KCNH1: variants seen among roughly 807,000 people sequenced by gnomAD.
KCNH1 encodes the protein potassium voltage-gated channel subfamily H member 1.
KCNH1 carries 27 observed loss-of-function variants against 69.2 expected under a neutral mutation model. The ratio of observed to expected loss-of-function variants is 0.39; its 90% CI spans 0.29 to 0.54. KCNH1 has a LOEUF of 0.54. Ranked by LOEUF, KCNH1 falls within the 20% of genes least tolerant of loss-of-function variation. The pLI is 0.68. For missense variants in KCNH1, 798 were observed against 1,261.6 expected (o/e 0.63, Z 5.57); for synonymous variants, 456 against 487.7 (o/e 0.93, Z 0.86).
rs142130309 is a variant in KCNH1, at chr1:211,040,524, T to C, written c.559-21268A>G. On this transcript the variant is annotated intron_variant, in intron 5 of 10. Coordinates refer to ENST00000271751, the MANE Select transcript of KCNH1 (RefSeq NM_172362.3). Reference sequence around the variant, plus strand: ...AAGAAGTGCCTCTCACTTCCTGCCATGATTCTGAGGCCTCCCTAGCCATGT... The same window carrying C: ...AAGAAGTGCCTCTCACTTCCTGCCACGATTCTGAGGCCTCCCTAGCCATGT... Among the ~76,000 whole-genome samples, 1,474 of 152,308 alleles carry C rather than the reference T, an allele frequency of 9.7e-3. 29 individuals carry two copies. The highest frequency in any genetic ancestry group is 0.034 in the African/African-American group (1,406 of 41,544).
At chr1:210,880,508 G>A (rs2102507318) in intron 7 of KCNH1, among the ~76,000 whole-genome samples, 1 of 152,274 alleles carries the variant, frequency 6.6e-6, no homozygotes, top group South Asian at 2.1e-4. Context: ...TTCAACAAAT[G>A]TTGCTCTGAA....
intron 1 of KCNH1, among the ~76,000 whole-genome samples, chr1:211,119,479 C>T (rs768878318): frequency 3.3e-5 from 5 of 151,970 alleles, no homozygotes; most frequent in Admixed American, 1.3e-4. Context: ...TGTATTTTCA[C>T]TAGACAAAGA....
intron 6 of KCNH1, among the ~76,000 whole-genome samples, chr1:210,931,083 A>T (rs1687672392): frequency 6.6e-6 from 1 of 152,216 alleles, no homozygotes; most frequent in Admixed American, 6.5e-5. Context: ...AAACTAGTAC[A>T]ACCAGTATGG....
chr1:210,986,114 T>A (rs1688828059), intron 6 of KCNH1, among the ~76,000 whole-genome samples: 1 of 152,222 alleles, frequency 6.6e-6, no homozygotes, highest in South Asian at 2.1e-4. Context: ...ACCCCTGCCT[T>A]TTTTTGTTCT....
chr1:210,874,845 T>C (rs769029693), intron 7 of KCNH1, among the ~76,000 whole-genome samples: 2 of 152,164 alleles, frequency 1.3e-5, no homozygotes. Context: ...CCCTAACATA[T>C]ACACATAACC....
chr1:210,758,066 T>C (rs1683437283), intron 10 of KCNH1, among the ~76,000 whole-genome samples: 1 of 152,234 alleles, frequency 6.6e-6, no homozygotes, highest in African/African-American at 2.4e-5. Flanking sequence ...AGCAAGAGCA[T>C]GGTCTTGAGA....
intron 1 of KCNH1, among the ~76,000 whole-genome samples, chr1:211,124,831 A>G (rs113860195): frequency 1.6e-4 from 24 of 152,194 alleles, no homozygotes; most frequent in Non-Finnish European, 2.9e-4. Flanking sequence ...GATTTATAAC[A>G]CTGGCCAATT....
At chr1:210,884,455 G>C (rs931014566) in intron 7 of KCNH1, among the ~76,000 whole-genome samples, 1 of 152,184 alleles carries the variant, frequency 6.6e-6, no homozygotes, top group Non-Finnish European at 1.5e-5. Context: ...CTATTTTATA[G>C]AGGAAGATCC....
At chr1:210,931,509 CT>C (rs1687679953) in intron 6 of KCNH1, among the ~76,000 whole-genome samples, 1 of 151,884 alleles carries the variant, frequency 6.6e-6, no homozygotes, top group South Asian at 2.1e-4. Context: ...ACTTTGGGGA[CT>C]TGGGGGAAAG....
At chr1:211,069,868 A>G (rs537426236) in intron 5 of KCNH1, among the ~76,000 whole-genome samples, 1 of 152,334 alleles carries the variant, frequency 6.6e-6, no homozygotes, top group South Asian at 2.1e-4. Context: ...ATTTGTTTAT[A>G]TTTTACGGTA....
intron 10 of KCNH1, among the ~76,000 whole-genome samples, chr1:210,696,380 T>TC (rs770515013): frequency 1.4e-4 from 22 of 152,188 alleles, no homozygotes; most frequent in Non-Finnish European, 2.9e-4. Flanking sequence ...GTCCTCAGCA[T>TC]CCCTTTTTGC....
intron 6 of KCNH1, among the ~76,000 whole-genome samples, chr1:211,008,896 T>C (rs1689338132): frequency 6.6e-6 from 1 of 152,228 alleles, no homozygotes. Flanking sequence ...AGATTATGAT[T>C]AGTGCTATGA....
intron 3 of KCNH1, among the ~76,000 whole-genome samples, chr1:211,101,528 G>A (rs538185789): frequency 6.6e-6 from 1 of 152,246 alleles, no homozygotes; most frequent in Non-Finnish European, 1.5e-5. Context: ...TGGCCCACTA[G>A]TCATCTTTGT....
At chr1:210,866,275 T>C (rs1198708437) in intron 7 of KCNH1, among the ~76,000 whole-genome samples, 1 of 152,050 alleles carries the variant, frequency 6.6e-6, no homozygotes, top group Non-Finnish European at 1.5e-5. Context: ...ATGGACTATA[T>C]GAAAACCTAA....
chr1:210,803,524 C>T (rs1266478970), intron 8 of KCNH1, among the ~76,000 whole-genome samples: 1 of 152,126 alleles, frequency 6.6e-6, no homozygotes, highest in Non-Finnish European at 1.5e-5. Context: ...TGGTTTAATT[C>T]TAAGGTTAAT....
intron 5 of KCNH1, among the ~76,000 whole-genome samples, chr1:211,066,710 A>G (rs1690537301): frequency 6.6e-6 from 1 of 152,220 alleles, no homozygotes; most frequent in African/African-American, 2.4e-5. Flanking sequence ...AGAGGAGGAA[A>G]TAGAAGCTTT....
Position 210,760,543 on chromosome 1 carries a change from C to T in KCNH1, c.2112+14805G>A, listed in dbSNP as rs960983484. On this transcript the variant is annotated intron_variant, in intron 10 of 10. Transcript: ENST00000271751. ...TCCTACAAAAAATGCTTAAAGGAGTCCTAAACATGGAAACAAACGAATGTG... is the reference window on the plus strand; with the variant it reads ...TCCTACAAAAAATGCTTAAAGGAGTTCTAAACATGGAAACAAACGAATGTG... Among the ~76,000 whole-genome samples the T allele has an allele frequency of 2.0e-5, 3 of 152,146 alleles. No homozygotes were observed. In the South Asian group the frequency reaches 6.2e-4, roughly 32 times the overall value.
chr1:210,798,190 C>A (rs1334553568), intron 8 of KCNH1, among the ~76,000 whole-genome samples: 1 of 152,024 alleles, frequency 6.6e-6, no homozygotes, highest in African/African-American at 2.4e-5. Context: ...CAGGCGCCCA[C>A]CACCACACCC....
chr1:210,690,699 C>T (rs888689591), intron 10 of KCNH1, among the ~76,000 whole-genome samples: 5 of 152,176 alleles, frequency 3.3e-5, no homozygotes, highest in African/African-American at 9.7e-5. Flanking sequence ...ATTTTCTCCT[C>T]GGTATCATGA....
Sources: gnomAD v4.1 joint callset for allele counts (sites outside exome capture counted in the v4.1 genomes callset) on GRCh38, gnomAD v4.1.1 for gene constraint, MANE v1.5 for transcripts, NCBI Gene and HGNC (gene_info 2026-07-23, HGNC 2026-07-21) for gene names.